Variants in SBNO2 observed in about 807,000 individuals in gnomAD.
The protein encoded by SBNO2 is protein strawberry notch homolog 2.
In SBNO2, 89 loss-of-function variants were observed where a neutral mutation model predicts 146.3. That is an observed-to-expected ratio of 0.61 (90% CI 0.51 to 0.73). SBNO2 has a LOEUF of 0.73. SBNO2 is among the 30% of genes least tolerant of loss of function. The probability of loss-of-function intolerance (pLI) is 0.00; values close to 1 mark genes in which losing one functional copy is unlikely to be tolerated. For missense variants in SBNO2, 2,092 were observed against 2,003.7 expected (o/e 1.04, Z -0.84); for synonymous variants, 1,147 against 892.6 (o/e 1.29, Z -5.08).
intron 4 of SBNO2, among the ~76,000 whole-genome samples, chr19:1,139,896 G>C (rs1330233943): frequency 5.3e-5 from 8 of 152,088 alleles, no homozygotes; most frequent in Non-Finnish European, 1.5e-5. Context: ...CATGAGCCGA[G>C]ATAGATCACA....
intron 4 of SBNO2, among the ~76,000 whole-genome samples, chr19:1,138,588 C>T (rs11668613): frequency 0.04 from 6,159 of 152,176 alleles, 203 homozygotes; most frequent in East Asian, 0.16. Flanking sequence ...GCACAACTCA[C>T]GACGGCCACG....
Position 1,145,242 on chromosome 19 carries a change from G to A in SBNO2, c.279+2067C>T, listed in dbSNP as rs189316358. ...AGCACTTTGGGAGGCTGAGGCGGGC[G>A]GATCACCACAGGTCAGGAGTTTGAG... On this transcript the variant is annotated intron_variant, in intron 4 of 31. Coordinates refer to ENST00000361757, the MANE Select transcript of SBNO2 (RefSeq NM_014963.3). 5.4e-3 allele frequency among the ~76,000 whole-genome samples: 816 copies of A among 150,960 alleles called. 10 individuals carry two copies. The highest frequency in any genetic ancestry group is 0.018 in the African/African-American group (750 of 40,880).
intron 1 of SBNO2, among the ~76,000 whole-genome samples, chr19:1,156,020 G>A (rs1216329451): frequency 6.6e-6 from 1 of 152,184 alleles, no homozygotes; most frequent in Non-Finnish European, 1.5e-5. Flanking sequence ...GGGCAGCAGG[G>A]CCCAGGCCCC....
Position 1,171,614 on chromosome 19 carries a change from G to T in SBNO2, c.-127+2558C>A, listed in dbSNP as rs892125337. On this transcript the variant is annotated intron_variant, in intron 1 of 31. Transcript: ENST00000361757. Reference sequence around the variant, plus strand: ...TGTCGACACAGTCGCCTCTTTGTTCGGGGCAGAGCTCACTCTGGCGGTGTT... The same window carrying T: ...TGTCGACACAGTCGCCTCTTTGTTCTGGGCAGAGCTCACTCTGGCGGTGTT... 3.9e-5 allele frequency among the ~76,000 whole-genome samples: 6 copies of T among 152,278 alleles called. No individual in the cohort carries two copies. The South Asian group carries it at 1.2e-3, about 32-fold the overall frequency.
At chr19:1,134,302 A>AGGACCTACAGCTCACGGGT (rs2080065768) in intron 4 of SBNO2, among the ~76,000 whole-genome samples, 1 of 132,612 alleles carries the variant, frequency 7.5e-6, no homozygotes, top group African/African-American at 3.0e-5. Context: ...CACAGCTCAC[A>AGGACCTACAGCTCACGGGT]GGACCTACAG....
intron 4 of SBNO2, among the ~76,000 whole-genome samples, chr19:1,133,602 G>A (rs2080056102): frequency 1.3e-5 from 2 of 152,202 alleles, no homozygotes; most frequent in Admixed American, 1.3e-4. Context: ...GCGACAACAC[G>A]GGTCCGTGCC....
chr19:1,113,062 G>A (rs1458953517), intron 19 of SBNO2, 113 bp from the exon 20 acceptor site: 3 of 1,283,100 alleles, frequency 2.3e-6, no homozygotes, highest in Non-Finnish European at 3.2e-6. Context: ...TCCCAGCTGT[G>A]CACGGGAGGT....
chr19:1,122,674 G>A lies in SBNO2; in HGVS notation c.898C>T (p.Arg300Trp), dbSNP rs1310422947. The change falls in exon 9 of 32, where the codon CGG becomes TGG. Residue 300 changes from arginine to tryptophan, a missense_variant. Transcript: ENST00000361757. Reference protein sequence around the residue: ...GVILENHLRGRKKALWFSVSN... With the variant: ...GVILENHLRGWKKALWFSVSN... ...GGGCCTCACCACAATGCTTTCTTCC[G>A]GCCGCGCAGGTGGTTCTCCAGGATG... is the stretch of plus-strand genomic sequence containing the variant. 3 of 1,523,774 alleles carry A rather than the reference G, an allele frequency of 2.0e-6. No homozygotes were observed. Among genetic ancestry groups the A allele is most frequent in the Admixed American group, 2.0e-5 (1 of 49,218 alleles). The allele number at this position is 1,523,774 out of a possible 1,614,324, so 94.4% of individuals were successfully genotyped here. A position where few individuals can be genotyped will look rare whatever the true frequency, so the allele number is the denominator to read the frequency against.
In SBNO2 at chr19:1,173,866, G is replaced by C. The variant is rs2080504835; in HGVS notation, c.-127+306C>G. 1 of 151,830 alleles carries C rather than the reference G, an allele frequency of 6.6e-6. No homozygotes were observed. Among genetic ancestry groups the C allele is most frequent in the Non-Finnish European group, 1.5e-5 (1 of 67,966 alleles). The allele number at this position is 151,830 out of a possible 1,614,324, so 9.4% of individuals were successfully genotyped here. On this transcript the variant is annotated intron_variant, in intron 1 of 31. Transcript: ENST00000361757. The surrounding 1 kb of genome is among the most constrained non-coding windows in gnomAD (Gnocchi z 4.7). Reference sequence around the variant, plus strand: ...CCCGGAAGAGCGGGAAGGAAAGGTTGGGAGGGTTGTCGTGGAAGGTAGGGT... The same window carrying C: ...CCCGGAAGAGCGGGAAGGAAAGGTTCGGAGGGTTGTCGTGGAAGGTAGGGT...
rs373674988 is a variant in SBNO2, at chr19:1,143,421, G to A, written c.279+3888C>T. ...CAGGAGGTGGAGGCTGCAGTGAGCC[G>A]AGATTGCACCGCTGCACTCCAGGCT... On this transcript the variant is annotated intron_variant, in intron 4 of 31. Transcript: ENST00000361757. Among the ~76,000 whole-genome samples, 366 of 152,286 alleles carry A rather than the reference G, an allele frequency of 2.4e-3. 1 individual carries two copies. Among genetic ancestry groups the A allele is most frequent in the African/African-American group, 8.2e-3 (340 of 41,540 alleles).
chr19:1,110,010 C>T lies in SBNO2; in HGVS notation c.3029-233G>A, dbSNP rs982625139. Reference sequence around the variant, plus strand: ...AGCAGGCTGTGGGGGATCGTGGGAGCCTGGGGGCCGCTCAGGTCCTATGTA... The same window carrying T: ...AGCAGGCTGTGGGGGATCGTGGGAGTCTGGGGGCCGCTCAGGTCCTATGTA... On this transcript the variant is annotated intron_variant, in intron 26 of 31. Transcript: ENST00000361757. The surrounding 1 kb of genome is among the most constrained non-coding windows in gnomAD (Gnocchi z 4.9). 6.6e-6 allele frequency among the ~76,000 whole-genome samples: 1 copy of T among 151,700 alleles called. No individual in the cohort carries two copies. The highest frequency in any genetic ancestry group is 1.5e-5 in the Non-Finnish European group (1 of 67,914).
Position 1,154,053 on chromosome 19 carries a change from C to G in SBNO2, c.93+131G>C, listed in dbSNP as rs1233306762. 1.2e-5 allele frequency: 5 copies of G among 426,614 alleles called. No homozygotes were observed. The Admixed American group carries it at 2.2e-4, about 19-fold the overall frequency. 26.4% of individuals were successfully genotyped at this position (426,614 alleles called of 1,614,324 possible). A position where few individuals can be genotyped will look rare whatever the true frequency, so the allele number is the denominator to read the frequency against. ...GGGCGGGTGGAGCCGGGCTCCGGGC[C>G]AGGAAGGTCAGGTGGAGATCACGCC... On this transcript the variant is annotated intron_variant, in intron 2 of 31. Coordinates refer to ENST00000361757, the MANE Select transcript of SBNO2 (RefSeq NM_014963.3).
rs968471754 is a variant in SBNO2 at position 1,108,718 on chromosome 19, G to A, written c.3617-14C>T. The A allele has an allele frequency of 1.7e-5, 26 of 1,564,110 alleles. No individual in the cohort carries two copies. The highest frequency in any genetic ancestry group is 1.3e-4 in the Admixed American group (7 of 55,066). ...GGATCTTGATGCCTGCGGGCAGAGCGTCGGGGTCAGGGCCGGCGCTGGGGG... is the reference window on the plus strand; with the variant it reads ...GGATCTTGATGCCTGCGGGCAGAGCATCGGGGTCAGGGCCGGCGCTGGGGG... On this transcript the variant is annotated splice_polypyrimidine_tract_variant and intron_variant, in intron 31 of 31. Transcript: ENST00000361757.
chr19:1,154,371 C>CGTG lies in SBNO2; in HGVS notation c.-98_-96dup. ...GGGCGTCTATCTGGGCTTCTCGCTCCGTGGTGGCGGCGGTGGCGGCAGCAT... is the reference window on the plus strand; with the variant it reads ...GGGCGTCTATCTGGGCTTCTCGCTCCGTGGTGGTGGCGGCGGTGGCGGCAGCAT... On this transcript the variant is annotated 5_prime_UTR_variant, in exon 2 of 32. Transcript: ENST00000361757. 1.7e-6 allele frequency: 1 copy of CGTG among 598,316 alleles called. No individual in the cohort carries two copies. The highest frequency in any genetic ancestry group is 1.9e-5 in the African/African-American group (1 of 52,026). The allele number at this position is 598,316 out of a possible 1,614,324, so 37.1% of individuals were successfully genotyped here.
At position 1,108,964 on chromosome 19, in the gene SBNO2, C is replaced by A; in HGVS notation, c.3431G>T (p.Arg1144Leu). 1 of 1,531,234 alleles carries A rather than the reference C, an allele frequency of 6.5e-7. No homozygotes were observed. The highest frequency in any genetic ancestry group is 2.4e-5 in the East Asian group (1 of 41,456). 94.9% of individuals were successfully genotyped at this position (1,531,234 alleles called of 1,614,324 possible). The stretch of plus-strand genomic sequence containing the variant: ...ACCCTCCTGCGCCAGCCGGCAGTGC[C>A]GGTTCCTGCGGACGAGACGGGTCGT... ...LTHCSHSAWNRHCRLAQEGKD... is the reference protein window; with the variant it reads ...LTHCSHSAWNLHCRLAQEGKD... The change falls in exon 31 of 32, where the codon CGG becomes CTG. Residue 1144 changes from arginine to leucine, a missense_variant. Physicochemically the swap from Arg to Leu is moderately radical, Grantham distance 102 (BLOSUM62 -2). Coordinates refer to ENST00000361757, the MANE Select transcript of SBNO2 (RefSeq NM_014963.3).
At chr19:1,142,186 CAACCCTCACTCAATGACCTCCCTCAT>C in intron 4 of SBNO2, among the ~76,000 whole-genome samples, 2 of 124,076 alleles carry the variant, frequency 1.6e-5, no homozygotes, top group African/African-American at 6.1e-5. Context: ...TCCCCATGAT[CAACCCTCACTCAATGACCTCCCTCAT>C]GATCAACCCT....
At chr19:1,154,523 G>A in intron 1 of SBNO2, 121 bp from the exon 2 acceptor site, 2 of 369,160 alleles carry the variant, frequency 5.4e-6, no homozygotes, top group East Asian at 7.8e-5. Flanking sequence ...CTACCTCCTG[G>A]GCCGGAACCA....
At chr19:1,170,747 G>A (rs999691564) in intron 1 of SBNO2, among the ~76,000 whole-genome samples, 12 of 151,798 alleles carry the variant, frequency 7.9e-5, no homozygotes, top group East Asian at 3.9e-4. Context: ...CACACACAAC[G>A]GACACGTGCA....
rs1256726379 is a variant in SBNO2, at chr19:1,114,268, GACA to G, written c.2037_2039del (p.Val680del). ...TGGGGAGCCCGACTGCATCAACGAT[GACA>G]ACGTCGTCATCCACCAGGGACTCGG... On this transcript the variant is annotated inframe_deletion, in exon 18 of 32. Coordinates refer to ENST00000361757, the MANE Select transcript of SBNO2 (RefSeq NM_014963.3). 4 of 1,544,764 alleles carry G rather than the reference GACA, an allele frequency of 2.6e-6. No individual in the cohort carries two copies. Among genetic ancestry groups the G allele is most frequent in the Non-Finnish European group, 3.5e-6 (4 of 1,143,744 alleles).
Sources: allele counts gnomAD v4.1 joint callset (sites outside exome capture counted in the v4.1 genomes callset), GRCh38; gene constraint gnomAD v4.1.1; non-coding constraint Gnocchi (gnomAD v3.1); transcripts MANE v1.5; gene names NCBI Gene and HGNC (gene_info 2026-07-23, HGNC 2026-07-21).